The following ABCC12 variants were observed in gnomAD, a reference collection of about 807,000 sequenced individuals.
The protein encoded by ABCC12 is ATP binding cassette subfamily C member 12, also known as ATP-binding cassette sub-family C member 12.
ABCC12 carries 142 observed loss-of-function variants against 151.1 expected under a neutral mutation model. The observed-to-expected ratio is 0.94, with a 90% confidence interval of 0.82 to 1.08. The LOEUF (loss-of-function observed/expected upper bound fraction) is 1.08. ABCC12 is among the 50% of genes least tolerant of loss of function. The pLI, the probability that ABCC12 is intolerant of heterozygous loss-of-function variation, is 0.00. For synonymous variants in ABCC12, 645 were observed against 646.4 expected (o/e 1.00, Z 0.03); for missense variants, 1,638 against 1,691.1 (o/e 0.97, Z 0.55).
At chr16:48,094,380 A>G (rs1016890744) in intron 24 of ABCC12, among the ~76,000 whole-genome samples, 2 of 152,256 alleles carry the variant, frequency 1.3e-5, no homozygotes, top group Non-Finnish European at 2.9e-5. Context: ...ATAGCAGTGA[A>G]TAAGCTACAA....
Position 48,088,748 on chromosome 16 carries a change from T to A in ABCC12, c.3286-14A>T. On this transcript the variant is annotated splice_polypyrimidine_tract_variant and intron_variant, in intron 25 of 30. Transcript: ENST00000311303. ...AGGAACACAGGTCTGTAAAGGAGAATAACCAATGACCAGTGACTAGCCATT... is the reference window on the plus strand; with the variant it reads ...AGGAACACAGGTCTGTAAAGGAGAAAAACCAATGACCAGTGACTAGCCATT... 1.9e-6 allele frequency: 3 copies of A among 1,597,318 alleles called. No individual in the cohort carries two copies. Among genetic ancestry groups the A allele is most frequent in the Non-Finnish European group, 2.6e-6 (3 of 1,172,206 alleles).
At chr16:48,154,958 C>G (rs900804642) in intron 1 of ABCC12, among the ~76,000 whole-genome samples, 3 of 152,272 alleles carry the variant, frequency 2.0e-5, no homozygotes, top group African/African-American at 4.8e-5. Flanking sequence ...CAGCCCCTTC[C>G]TCCAGGGCCT....
chr16:48,095,190 C>T (rs1963050951), intron 24 of ABCC12, among the ~76,000 whole-genome samples: 1 of 152,136 alleles, frequency 6.6e-6, no homozygotes, highest in Non-Finnish European at 1.5e-5. Context: ...GGGGCAGTTT[C>T]CCCCATACTG....
In ABCC12 at chr16:48,096,790, T is replaced by C. The variant is rs1308426714; in HGVS notation, c.3151A>G (p.Ile1051Val). The C allele has an allele frequency of 3.1e-6, 5 of 1,614,074 alleles. No individual in the cohort carries two copies. The highest frequency in any genetic ancestry group is 4.2e-6 in the Non-Finnish European group (5 of 1,179,956). ...ALLVTLSFSSISTSSKGLSLS... is the reference protein window; with the variant it reads ...ALLVTLSFSSVSTSSKGLSLS... ...GACAGGCCTTTGGATGAAGTACTGA[T>C]GGAGGAGAAACTCAGGGTCACCAAC... The change falls in exon 24 of 31, where the codon ATC becomes GTC. Residue 1051 changes from isoleucine (I) to valine (V), a missense_variant. Coordinates refer to ENST00000311303, the MANE Select transcript of ABCC12 (RefSeq NM_001393797.1).
intron 9 of ABCC12, among the ~76,000 whole-genome samples, chr16:48,132,394 A>T (rs1176229322): frequency 6.6e-6 from 1 of 152,172 alleles, no homozygotes; most frequent in African/African-American, 2.4e-5. Flanking sequence ...CAGGGCAGTC[A>T]TGGGCCCCAC....
chr16:48,125,709 C>T (rs1964217330), intron 11 of ABCC12, among the ~76,000 whole-genome samples: 1 of 152,248 alleles, frequency 6.6e-6, no homozygotes, highest in South Asian at 2.1e-4. Flanking sequence ...AGATGCCCAA[C>T]ATGGGGCCAA....
intron 30 of ABCC12, 22 bp downstream of exon 30, chr16:48,083,887 A>C: frequency 1.2e-6 from 2 of 1,612,556 alleles, no homozygotes; most frequent in Non-Finnish European, 1.7e-6. Flanking sequence ...TGGGGAGGTG[A>C]AGCCAAAAGA....
At chr16:48,098,138 CAG>C (rs1314163670) in intron 23 of ABCC12, among the ~76,000 whole-genome samples, 48 of 144,952 alleles carry the variant, frequency 3.3e-4, no homozygotes, top group African/African-American at 1.2e-3. Flanking sequence ...CACACACACA[CAG>C]CATAGCCTTG....
Position 48,111,803 on chromosome 16 carries a change from A to C in ABCC12, c.2097T>G (p.Ile699Met). ...TGAACTGCAATCCTCGCAGGTTGTG[A>C]ATCAGTTTTGCATAGCGCCCTCTCT... ...MEERGRYAKLIHNLRGLQFKD... is the reference protein window; with the variant it reads ...MEERGRYAKLMHNLRGLQFKD... The change falls in exon 16 of 31, where the codon ATT (isoleucine) becomes ATG (methionine). Residue 699 changes from isoleucine to methionine, a missense_variant. Ile to Met is a conservative substitution (Grantham distance 10, BLOSUM62 1). Coordinates refer to ENST00000311303, the MANE Select transcript of ABCC12 (RefSeq NM_001393797.1). 1 of 1,614,108 alleles carries C rather than the reference A, an allele frequency of 6.2e-7. No individual in the cohort carries two copies.
Position 48,120,136 on chromosome 16 carries a change from T to C in ABCC12, c.1712+1580A>G, listed in dbSNP as rs115751985. 3.9e-3 allele frequency among the ~76,000 whole-genome samples: 598 copies of C among 152,264 alleles called. 2 individuals carry two copies. The highest frequency in any genetic ancestry group is 0.014 in the African/African-American group (584 of 41,550). On this transcript the variant is annotated intron_variant, in intron 13 of 30. Coordinates refer to ENST00000311303, the MANE Select transcript of ABCC12 (RefSeq NM_001393797.1). ...GTGGTATATATACACCATAGAATAC[T>C]ATGCAGCCGTAAAAAAGAACAAAAT...
rs920314498 is a variant in ABCC12, at chr16:48,083,433, A to C, written c.*282T>G. On this transcript the variant is annotated 3_prime_UTR_variant, in exon 31 of 31. Transcript: ENST00000311303. ...CAGGCACTGGGGTGGTTTTGGTGAA[A>C]ACACATGAGGAACCCTTGGGGATTT... The C allele has an allele frequency of 5.3e-6, 2 of 377,072 alleles. No homozygotes were observed. Among genetic ancestry groups the C allele is most frequent in the African/African-American group, 4.2e-5 (2 of 47,712 alleles). 23.4% of individuals were successfully genotyped at this position (377,072 alleles called of 1,614,324 possible).
intron 23 of ABCC12, among the ~76,000 whole-genome samples, chr16:48,098,872 G>C (rs902205350): frequency 3.3e-5 from 5 of 152,178 alleles, no homozygotes; most frequent in Non-Finnish European, 7.3e-5. Flanking sequence ...TAGAAGCTGT[G>C]GGAAGACAAA....
chr16:48,138,136 C>A, intron 8 of ABCC12, 92 bp downstream of exon 8: 1 of 1,406,648 alleles, frequency 7.1e-7, no homozygotes, highest in Non-Finnish European at 9.5e-7. Context: ...CAGCCTCCTT[C>A]TGGAATGCCT....
At chr16:48,153,223 G>A (rs991222608) in intron 2 of ABCC12, among the ~76,000 whole-genome samples, 8 of 152,196 alleles carry the variant, frequency 5.3e-5, no homozygotes, top group Non-Finnish European at 1.2e-4. Context: ...TCCTGATTTT[G>A]ATATTAATGC....
chr16:48,083,603 G>T lies in ABCC12; in HGVS notation c.*112C>A. The T allele has an allele frequency of 1.9e-6, 2 of 1,073,150 alleles. No homozygotes were observed. The highest frequency in any genetic ancestry group is 2.4e-5 in the East Asian group (1 of 42,286). 66.5% of individuals were successfully genotyped at this position (1,073,150 alleles called of 1,614,324 possible). Reference sequence around the variant, plus strand: ...TCAGCCCCAGCTCACTCCGTGGATGGGAGGGGCTGAAGACCAGGGCTGCCT... The same window carrying T: ...TCAGCCCCAGCTCACTCCGTGGATGTGAGGGGCTGAAGACCAGGGCTGCCT... On this transcript the variant is annotated 3_prime_UTR_variant, in exon 31 of 31. Coordinates refer to ENST00000311303, the MANE Select transcript of ABCC12 (RefSeq NM_001393797.1).
Position 48,085,663 on chromosome 16 carries a change from T to C in ABCC12, c.3758A>G (p.Asn1253Ser). 1 of 1,614,206 alleles carries C rather than the reference T, an allele frequency of 6.2e-7. No individual in the cohort carries two copies. Residue 1253 changes from asparagine to serine, a missense_variant, in exon 29 of 31, where the codon AAT (asparagine) becomes AGT (serine). Physicochemically the swap from Asn to Ser is conservative, Grantham distance 46. Coordinates refer to ENST00000311303, the MANE Select transcript of ABCC12 (RefSeq NM_001393797.1). ...TTCCCCTACTGAGAAGTTTTCTCCA[T>C]TTTCTGTGACTTCTGCCTGTAATTT... ...PEKLQAEVTE[N>S]GENFSVGERQ...
rs779235315 is a variant in ABCC12 at position 48,128,442 on chromosome 16, G to A, written c.1515+17C>T. The A allele has an allele frequency of 1.4e-5, 23 of 1,612,666 alleles. No individual in the cohort carries two copies. Among genetic ancestry groups the A allele is most frequent in the Non-Finnish European group, 5.9e-6 (7 of 1,179,000 alleles). ...AGGAGGAGGGCTGGAGGCCACACCT[G>A]TGCAACACACACCCACCTTTCTCAC... On this transcript the variant is annotated intron_variant, in intron 11 of 30. Transcript: ENST00000311303.
At chr16:48,150,423 A>T (rs919000533) in intron 2 of ABCC12, among the ~76,000 whole-genome samples, 1 of 152,226 alleles carries the variant, frequency 6.6e-6, no homozygotes, top group African/African-American at 2.4e-5. Context: ...AAACTGAATC[A>T]ACTAAGTCCA....
At chr16:48,130,951 A>C (rs1301368784) in intron 9 of ABCC12, 56 bp from the exon 10 acceptor site, 3 of 1,268,444 alleles carry the variant, frequency 2.4e-6, no homozygotes, top group Non-Finnish European at 3.4e-6. Context: ...GTTGGCTCTA[A>C]ACCGTTATAC....
Sources: gnomAD v4.1 joint callset for allele counts (sites outside exome capture counted in the v4.1 genomes callset) on GRCh38, gnomAD v4.1.1 for gene constraint, MANE v1.5 for transcripts, NCBI Gene and HGNC (gene_info 2026-07-23, HGNC 2026-07-21) for gene names.